DSCAM: variants seen among roughly 807,000 people sequenced by gnomAD.
DSCAM encodes cell adhesion molecule DSCAM.
Under a neutral mutation model 217.7 loss-of-function variants are expected in DSCAM, and 47 were observed. The observed-to-expected ratio is 0.22, with a 90% CI of 0.17 to 0.28. The LOEUF is 0.28. Among genes scored for constraint, DSCAM ranks in the 10% least tolerant of loss-of-function variants. DSCAM has a pLI of 1.00. For synonymous variants in DSCAM, 1,056 were observed against 1,015.3 expected, an observed-to-expected ratio of 1.04 and a Z score of -0.76; for missense variants, 2,080 against 2,618.3, an observed-to-expected ratio of 0.79 and a Z score of 4.49.
chr21:40,519,579 C>A (rs2076342298), intron 3 of DSCAM, among the ~76,000 whole-genome samples: 1 of 152,068 alleles, frequency 6.6e-6, no homozygotes, highest in Non-Finnish European at 1.5e-5. Flanking sequence ...TGTGCTGGTG[C>A]CTTATTCTTG....
At chr21:40,663,953 G>C (rs1291520565) in intron 3 of DSCAM, among the ~76,000 whole-genome samples, 2 of 152,168 alleles carry the variant, frequency 1.3e-5, no homozygotes, top group African/African-American at 4.8e-5. Flanking sequence ...TCAGTTTATA[G>C]ATGCAAAATA....
chr21:40,738,532 C>T (rs1569011334), intron 1 of DSCAM, among the ~76,000 whole-genome samples: 1 of 152,086 alleles, frequency 6.6e-6, no homozygotes, highest in Admixed American at 6.6e-5. Flanking sequence ...GGGTGCCCTT[C>T]CTCTACACAA....
At chr21:40,102,091 C>A (rs2089759437) in intron 20 of DSCAM, among the ~76,000 whole-genome samples, 1 of 151,874 alleles carries the variant, frequency 6.6e-6, no homozygotes, top group African/African-American at 2.4e-5. Context: ...GCTTGGCAAA[C>A]AGATTAATTT....
chr21:40,597,499 G>GT (rs2077030239), intron 3 of DSCAM, among the ~76,000 whole-genome samples: 2 of 107,524 alleles, frequency 1.9e-5, no homozygotes, highest in African/African-American at 7.2e-5. Flanking sequence ...ACAGTAATAG[G>GT]CTTTTTTTTT....
chr21:40,641,939 T>C (rs1004089133), intron 3 of DSCAM, among the ~76,000 whole-genome samples: 1 of 150,736 alleles, frequency 6.6e-6, no homozygotes, highest in Non-Finnish European at 1.5e-5. Context: ...TCCCAGCTAC[T>C]CGGTAGACCG....
intron 11 of DSCAM, among the ~76,000 whole-genome samples, chr21:40,207,776 C>T (rs1290993993): frequency 1.3e-5 from 2 of 152,088 alleles, no homozygotes; most frequent in Non-Finnish European, 2.9e-5. Flanking sequence ...CCTGGAGGCT[C>T]GAGGTCCAAG....
chr21:40,792,276 C>A (rs2091653402), intron 1 of DSCAM, among the ~76,000 whole-genome samples: 1 of 151,614 alleles, frequency 6.6e-6, no homozygotes, highest in Non-Finnish European at 1.5e-5. Flanking sequence ...GTACGTGGGA[C>A]TATAGGCATG....
chr21:40,415,709 G>A (rs1267593995), intron 3 of DSCAM, among the ~76,000 whole-genome samples: 1 of 152,152 alleles, frequency 6.6e-6, no homozygotes, highest in Non-Finnish European at 1.5e-5. Flanking sequence ...CAAGGTAATT[G>A]CTGTGAGGCA....
At chr21:40,070,774 T>G (rs151179458) in intron 27 of DSCAM, among the ~76,000 whole-genome samples, 39 of 152,302 alleles carry the variant, frequency 2.6e-4, no homozygotes, top group African/African-American at 7.9e-4. Context: ...CTGTTAGTAC[T>G]CAGAAAATAA....
intron 3 of DSCAM, among the ~76,000 whole-genome samples, chr21:40,615,728 A>G (rs568639493): frequency 2.7e-4 from 41 of 152,196 alleles, no homozygotes; most frequent in Non-Finnish European, 5.4e-4. Context: ...TAACATGCAG[A>G]CAGATGGAGC....
intron 1 of DSCAM, among the ~76,000 whole-genome samples, chr21:40,803,058 T>C (rs1470937932): frequency 1.3e-5 from 2 of 152,212 alleles, no homozygotes; most frequent in Non-Finnish European, 2.9e-5. Flanking sequence ...TTATTCTCTT[T>C]GGAAGTACTA....
At chr21:40,695,729 T>C (rs1414265587) in intron 2 of DSCAM, among the ~76,000 whole-genome samples, 5 of 152,230 alleles carry the variant, frequency 3.3e-5, no homozygotes, top group Non-Finnish European at 1.5e-5. Context: ...AGACTGAATA[T>C]ATAGAAAGAC....
intron 23 of DSCAM, 135 bp downstream of exon 23, chr21:40,085,467 T>A (rs2089519631): frequency 1.3e-6 from 1 of 788,254 alleles, no homozygotes; most frequent in Non-Finnish European, 1.8e-6. Context: ...TGAACATGTG[T>A]TTTCTTTTTC....
chr21:40,710,364 C>A (rs995027341), intron 1 of DSCAM, among the ~76,000 whole-genome samples: 3 of 152,184 alleles, frequency 2.0e-5, no homozygotes, highest in Admixed American at 1.3e-4. Flanking sequence ...TTGATTTTTA[C>A]ATTTCCCTTG....
At chr21:40,796,231 A>T (rs1182782399) in intron 1 of DSCAM, among the ~76,000 whole-genome samples, 1 of 152,116 alleles carries the variant, frequency 6.6e-6, no homozygotes, top group Non-Finnish European at 1.5e-5. Flanking sequence ...CATGTTCCTG[A>T]CTCAGGCCAA....
At chr21:40,052,325 G>A (rs893212539) in intron 29 of DSCAM, among the ~76,000 whole-genome samples, 1 of 152,190 alleles carries the variant, frequency 6.6e-6, no homozygotes, top group African/African-American at 2.4e-5. Context: ...GGCTTTGGGA[G>A]CAATGAGCTA....
At chr21:40,170,954 T>C (rs181302698) in intron 15 of DSCAM, among the ~76,000 whole-genome samples, 2 of 152,274 alleles carry the variant, frequency 1.3e-5, no homozygotes, top group Admixed American at 6.5e-5. Context: ...TTGAGATATA[T>C]TCATAATTAA....
intron 3 of DSCAM, among the ~76,000 whole-genome samples, chr21:40,391,663 G>A (rs998157198): frequency 2.6e-5 from 4 of 152,200 alleles, no homozygotes; most frequent in African/African-American, 9.6e-5. Flanking sequence ...ACTGGTGCAT[G>A]ATGATTTCTC....
intron 8 of DSCAM, among the ~76,000 whole-genome samples, chr21:40,321,834 T>C (rs2074263055): frequency 6.6e-6 from 1 of 152,154 alleles, no homozygotes; most frequent in Non-Finnish European, 1.5e-5. Context: ...GGCTCTTACA[T>C]GTGAGCAACT....
Sources: gnomAD v4.1 joint callset for allele counts (sites outside exome capture counted in the v4.1 genomes callset) on GRCh38, gnomAD v4.1.1 for gene constraint, MANE v1.5 for transcripts, NCBI Gene and HGNC (gene_info 2026-07-23, HGNC 2026-07-21) for gene names.